The following MTHFD2L variants were observed in gnomAD, a reference collection of about 807,000 sequenced individuals.
The protein encoded by MTHFD2L is methylenetetrahydrofolate dehydrogenase (NADP+ dependent) 2 like.
Under a neutral mutation model 34.9 loss-of-function variants are expected in MTHFD2L, and 29 were observed. That is an observed-to-expected ratio of 0.83 (90% confidence interval 0.62 to 1.13). MTHFD2L has a LOEUF of 1.13. Among genes scored for constraint, MTHFD2L ranks in the 50% most tolerant of loss-of-function variants. The pLI, the probability that MTHFD2L is intolerant of heterozygous loss-of-function variation, is 0.00. For synonymous variants in MTHFD2L, 167 were observed against 155.7 expected (o/e 1.07, Z -0.54); for missense variants, 481 against 446.5 (o/e 1.08, Z -0.70).
intron 1 of MTHFD2L, among the ~76,000 whole-genome samples, chr4:74,134,966 T>C (rs1337663084): frequency 6.6e-6 from 1 of 151,984 alleles, no homozygotes; most frequent in Non-Finnish European, 1.5e-5. Flanking sequence ...TTACAAGATA[T>C]AGAAAATTAC....
chr4:74,295,210 C>T (rs914914316), intron 7 of MTHFD2L, among the ~76,000 whole-genome samples: 4 of 152,106 alleles, frequency 2.6e-5, no homozygotes, highest in Admixed American at 6.6e-5. Context: ...TCTTTCTTCT[C>T]GCTGTTTTCA....
At chr4:74,200,050 A>C in intron 4 of MTHFD2L, 104 bp downstream of exon 4, 1 of 1,013,712 alleles carries the variant, frequency 9.9e-7, no homozygotes, top group Non-Finnish European at 1.5e-6. Flanking sequence ...GTGACAGAAA[A>C]TCATAATCCA....
chr4:74,134,083 T>C (rs1722737583), intron 1 of MTHFD2L, among the ~76,000 whole-genome samples: 1 of 152,090 alleles, frequency 6.6e-6, no homozygotes, highest in Non-Finnish European at 1.5e-5. Flanking sequence ...AACGTGAAAT[T>C]GAGATTGTCA....
At chr4:74,189,970 A>G (rs940114987) in intron 3 of MTHFD2L, among the ~76,000 whole-genome samples, 1 of 152,140 alleles carries the variant, frequency 6.6e-6, no homozygotes, top group Admixed American at 6.5e-5. Flanking sequence ...GTCAACGAAT[A>G]TTTACCTAGA....
intron 5 of MTHFD2L, among the ~76,000 whole-genome samples, chr4:74,211,946 C>T (rs2110085124): frequency 6.6e-6 from 1 of 152,040 alleles, no homozygotes; most frequent in East Asian, 1.9e-4. Context: ...GTATCCATTT[C>T]TTCTAGATTT....
chr4:74,141,581 C>A (rs996102299), intron 1 of MTHFD2L, among the ~76,000 whole-genome samples: 1 of 152,210 alleles, frequency 6.6e-6, no homozygotes, highest in East Asian at 1.9e-4. Context: ...TCCATTTACT[C>A]ATTCATTCAT....
chr4:74,218,197 A>C (rs1737524448), intron 5 of MTHFD2L, among the ~76,000 whole-genome samples: 1 of 152,062 alleles, frequency 6.6e-6, no homozygotes, highest in Non-Finnish European at 1.5e-5. Context: ...TATTTTCCAG[A>C]GACAATAGTT....
intron 3 of MTHFD2L, among the ~76,000 whole-genome samples, chr4:74,185,797 A>G (rs1347060171): frequency 2.6e-5 from 4 of 152,190 alleles, no homozygotes; most frequent in Non-Finnish European, 4.4e-5. Flanking sequence ...TGAAAGCTCT[A>G]TGTCCAGATG....
intron 6 of MTHFD2L, among the ~76,000 whole-genome samples, chr4:74,271,456 C>G (rs1430957356): frequency 2.0e-5 from 3 of 152,222 alleles, no homozygotes; most frequent in South Asian, 2.1e-4. Flanking sequence ...GTTTTTGTCA[C>G]GTTTGTCAAA....
intron 6 of MTHFD2L, among the ~76,000 whole-genome samples, chr4:74,237,080 A>G (rs1435399460): frequency 6.6e-6 from 1 of 152,178 alleles, no homozygotes; most frequent in Non-Finnish European, 1.5e-5. Flanking sequence ...AAAGGATAAA[A>G]GTCCTCTCTC....
intron 5 of MTHFD2L, among the ~76,000 whole-genome samples, chr4:74,205,751 A>G (rs1055975536): frequency 6.6e-6 from 1 of 152,032 alleles, no homozygotes; most frequent in Non-Finnish European, 1.5e-5. Flanking sequence ...AGGATATAGC[A>G]CTTTAGCTGC....
At chr4:74,133,490 C>T (rs1189559958) in intron 1 of MTHFD2L, among the ~76,000 whole-genome samples, 1 of 151,820 alleles carries the variant, frequency 6.6e-6, no homozygotes, top group African/African-American at 2.4e-5. Context: ...TTAAAGGTGG[C>T]CTTCATTTCT....
At chr4:74,125,554 A>G (rs1722007075) in intron 1 of MTHFD2L, 1 of 152,092 alleles carries the variant, frequency 6.6e-6, no homozygotes, top group African/African-American at 2.4e-5. Flanking sequence ...AATTTCTCAA[A>G]TTTCATTTGT....
chr4:74,154,236 A>G (rs1392304388), upstream of MTHFD2L, among the ~76,000 whole-genome samples: 3 of 152,184 alleles, frequency 2.0e-5, no homozygotes, highest in Admixed American at 1.3e-4. Context: ...TCAGTATGAT[A>G]TATTGGTGTT....
At chr4:74,130,913 C>T (rs780047009) in intron 1 of MTHFD2L, among the ~76,000 whole-genome samples, 11 of 152,070 alleles carry the variant, frequency 7.2e-5, no homozygotes, top group Non-Finnish European at 1.5e-4. Flanking sequence ...AATCAATGTG[C>T]GAAAATCACA....
At chr4:74,121,708 A>C (rs1263458629), upstream of MTHFD2L, among the ~76,000 whole-genome samples, 1 of 146,656 alleles carries the variant, frequency 6.8e-6, no homozygotes, top group Admixed American at 6.9e-5. Flanking sequence ...TAATTATTTA[A>C]TTATATATAT....
At chr4:74,284,927 C>T (rs992843875) in intron 7 of MTHFD2L, among the ~76,000 whole-genome samples, 5 of 152,236 alleles carry the variant, frequency 3.3e-5, no homozygotes, top group Admixed American at 6.5e-5. Context: ...ATAGCAAAGA[C>T]TTGGAACCAA....
intron 5 of MTHFD2L, among the ~76,000 whole-genome samples, chr4:74,218,110 G>A (rs1175405721): frequency 2.0e-5 from 3 of 151,886 alleles, no homozygotes; most frequent in Non-Finnish European, 4.4e-5. Flanking sequence ...TCATTGCCTA[G>A]CATGATTCTG....
chr4:74,264,649 A>T (rs1012646202), intron 6 of MTHFD2L, among the ~76,000 whole-genome samples: 2 of 152,010 alleles, frequency 1.3e-5, no homozygotes, highest in Non-Finnish European at 2.9e-5. Flanking sequence ...TAATATTTTT[A>T]AGGGCAGTGA....
Sources: gnomAD v4.1 joint callset for allele counts (sites outside exome capture counted in the v4.1 genomes callset) on GRCh38, gnomAD v4.1.1 for gene constraint, MANE v1.5 for transcripts, NCBI Gene and HGNC (gene_info 2026-07-23, HGNC 2026-07-21) for gene names.